XRRA1: variants seen among roughly 807,000 people sequenced by gnomAD.
XRRA1 encodes X-ray radiation resistance-associated protein 1.
In XRRA1, 69 loss-of-function variants were observed where a neutral mutation model predicts 80.2. The ratio of observed to expected loss-of-function variants is 0.86; its 90% CI spans 0.71 to 1.05. The LOEUF (loss-of-function observed/expected upper bound fraction) is 1.05. XRRA1 is among the 50% of genes least tolerant of loss of function. The probability of loss-of-function intolerance (pLI) is 0.00; values close to 1 mark genes in which losing one functional copy is unlikely to be tolerated. For missense variants in XRRA1, 967 were observed against 976.4 expected (o/e 0.99, Z 0.13); for synonymous variants, 348 against 389.9 (o/e 0.89, Z 1.27).
rs373659175 is a variant in XRRA1, at chr11:74,921,355, G to A, written c.523-8C>T. ...GAAGGAAAGGTCCAAGAACTGCCAT[G>A]CAAAGATGAAAGATGGGGAAGGTAA... On this transcript the variant is annotated splice_region_variant and splice_polypyrimidine_tract_variant and intron_variant, in intron 7 of 18. Transcript: ENST00000684022. The A allele has an allele frequency of 4.8e-5, 78 of 1,613,700 alleles. No homozygotes were observed. Among genetic ancestry groups the A allele is most frequent in the Non-Finnish European group, 6.4e-5 (75 of 1,179,794 alleles).
chr11:74,919,689 G>A, intron 8 of XRRA1: 3 of 526,876 alleles, frequency 5.7e-6, no homozygotes, highest in East Asian at 5.0e-5. Context: ...GTGCATCCAT[G>A]GAGTGGGCTT....
At chr11:74,871,965 G>A (rs1043225807) in intron 10 of XRRA1, among the ~76,000 whole-genome samples, 1 of 152,214 alleles carries the variant, frequency 6.6e-6, no homozygotes, top group African/African-American at 2.4e-5. Context: ...TTGGAGACAA[G>A]CAGTATGTTT....
chr11:74,903,771 G>A (rs2054029415), intron 10 of XRRA1, among the ~76,000 whole-genome samples: 1 of 152,112 alleles, frequency 6.6e-6, no homozygotes, highest in Non-Finnish European at 1.5e-5. Flanking sequence ...TAAAAACAAT[G>A]TTGACTGAAA....
At chr11:74,874,688 AG>A (rs2045667414) in intron 10 of XRRA1, among the ~76,000 whole-genome samples, 1 of 152,230 alleles carries the variant, frequency 6.6e-6, no homozygotes, top group Non-Finnish European at 1.5e-5. Context: ...TGATATTAGA[AG>A]GGTCTACAAT....
intron 8 of XRRA1, among the ~76,000 whole-genome samples, chr11:74,908,129 AAC>A (rs2055048570): frequency 1.3e-5 from 2 of 152,224 alleles, no homozygotes; most frequent in African/African-American, 4.8e-5. Flanking sequence ...ATAAGCCACA[AAC>A]ACACACACAA....
chr11:74,871,659 A>G (rs1453738059), intron 10 of XRRA1, among the ~76,000 whole-genome samples: 1 of 151,802 alleles, frequency 6.6e-6, no homozygotes. Flanking sequence ...CTGTGCCATC[A>G]GCTCCTCTAG....
chr11:74,843,374 CTCCT>C lies in XRRA1; in HGVS notation c.2225_2228del (p.Lys742SerfsTer10), dbSNP rs2061075664. The C allele has an allele frequency of 1.9e-6, 3 of 1,612,328 alleles. No homozygotes were observed. Among genetic ancestry groups the C allele is most frequent in the Non-Finnish European group, 2.5e-6 (3 of 1,179,226 alleles). On this transcript the variant is annotated frameshift_variant, in exon 19 of 19. Coordinates refer to ENST00000684022, the MANE Select transcript of XRRA1 (RefSeq NM_001378157.1). LOFTEE classifies it low-confidence loss of function (END_TRUNC). The stretch of plus-strand genomic sequence containing the variant: ...CCAGCTGCCGGTAACGTGCCTGGAA[CTCCT>C]TCAACAGCCTCTTGGCCTCCAGGTA...
intron 10 of XRRA1, among the ~76,000 whole-genome samples, chr11:74,903,562 G>A (rs189542606): frequency 3.3e-4 from 50 of 152,266 alleles, no homozygotes; most frequent in African/African-American, 1.1e-3. Flanking sequence ...AATTAGCCGG[G>A]CATGGTGGCG....
In XRRA1 at chr11:74,921,546, G is replaced by C. The variant is rs77143150; in HGVS notation, c.523-199C>G. ...GCCTTAGTTGCCACTACAAATCTTT[G>C]TTTATCCTGTAGTGCTAGGCAAATA... is the stretch of plus-strand genomic sequence containing the variant. On this transcript the variant is annotated intron_variant, in intron 7 of 18. Coordinates refer to ENST00000684022, the MANE Select transcript of XRRA1 (RefSeq NM_001378157.1). Among the ~76,000 whole-genome samples, 158 of 152,226 alleles carry C rather than the reference G, an allele frequency of 1.0e-3. No homozygotes were observed. In the East Asian group the frequency reaches 0.028, roughly 27 times the overall value.
chr11:74,866,671 CAAAG>C (rs945791386), intron 10 of XRRA1, among the ~76,000 whole-genome samples: 3 of 130,408 alleles, frequency 2.3e-5, no homozygotes, highest in Non-Finnish European at 3.3e-5. Flanking sequence ...AAAAAAAAAT[CAAAG>C]AAATCCTGGA....
chr11:74,848,027 C>A, intron 15 of XRRA1, 88 bp downstream of exon 15: 1 of 1,219,602 alleles, frequency 8.2e-7, no homozygotes, highest in Admixed American at 2.4e-5. Context: ...TTGTTGCTCC[C>A]AGCTGTCCAC....
intron 3 of XRRA1, among the ~76,000 whole-genome samples, chr11:74,937,612 A>T (rs1319235071): frequency 2.6e-5 from 4 of 152,206 alleles, no homozygotes; most frequent in Non-Finnish European, 5.9e-5. Context: ...ATTAAAAAAA[A>T]AAAACCTAAT....
intron 6 of XRRA1, among the ~76,000 whole-genome samples, chr11:74,928,121 C>G (rs1007291891): frequency 6.6e-6 from 1 of 152,162 alleles, no homozygotes. Flanking sequence ...CATTGGTAGC[C>G]TTTAGGCTAT....
intron 10 of XRRA1, among the ~76,000 whole-genome samples, chr11:74,890,878 C>T (rs1293918531): frequency 1.3e-5 from 2 of 152,074 alleles, no homozygotes; most frequent in Non-Finnish European, 2.9e-5. Flanking sequence ...CTGAATAGAC[C>T]AATAACAGGA....
chr11:74,877,586 A>C (rs1406646612), intron 10 of XRRA1, among the ~76,000 whole-genome samples: 1 of 149,554 alleles, frequency 6.7e-6, no homozygotes, highest in African/African-American at 2.4e-5. Context: ...AGCATTAGGT[A>C]TATCTCCCGA....
At chr11:74,932,683 T>C (rs1309522051) in intron 5 of XRRA1, among the ~76,000 whole-genome samples, 2 of 152,226 alleles carry the variant, frequency 1.3e-5, no homozygotes, top group Admixed American at 6.5e-5. Context: ...TTCTATGACT[T>C]TGTCTCACCG....
chr11:74,856,553 G>C (rs557887399), intron 12 of XRRA1, among the ~76,000 whole-genome samples: 119 of 152,356 alleles, frequency 7.8e-4, no homozygotes, highest in African/African-American at 2.7e-3. Flanking sequence ...GTGGCAGAAT[G>C]TGGCAGATGC....
In XRRA1 at chr11:74,885,517, A is replaced by T. The variant is rs533719017; in HGVS notation, c.1003+20722T>A. 9.2e-5 allele frequency among the ~76,000 whole-genome samples: 14 copies of T among 152,370 alleles called. No homozygotes were observed. In the South Asian group the frequency reaches 2.3e-3, roughly 25 times the overall value. On this transcript the variant is annotated intron_variant, in intron 10 of 18. Transcript: ENST00000684022. ...ACATACAACCACCCAAGACTGAACC[A>T]GGAAGAAACTGAATCCCTGAATAGA...
At chr11:74,854,629 A>G (rs2040642041) in intron 12 of XRRA1, among the ~76,000 whole-genome samples, 1 of 152,228 alleles carries the variant, frequency 6.6e-6, no homozygotes, top group African/African-American at 2.4e-5. Flanking sequence ...TAAAAAATGT[A>G]AACACCACTC....
Sources: gnomAD v4.1 joint callset for allele counts (sites outside exome capture counted in the v4.1 genomes callset) on GRCh38, gnomAD v4.1.1 for gene constraint, MANE v1.5 for transcripts, NCBI Gene and HGNC (gene_info 2026-07-23, HGNC 2026-07-21) for gene names.